Variants in ZNF33A observed in about 807,000 individuals in gnomAD.
ZNF33A encodes the protein brain my041 protein.
ZNF33A carries 9 observed loss-of-function variants against 15.9 expected under a neutral mutation model. The observed-to-expected ratio is 0.57, with a 90% CI of 0.34 to 0.99. The LOEUF is 0.99. ZNF33A is among the 50% of genes least tolerant of loss of function. The probability of loss-of-function intolerance (pLI) is 0.02; values close to 1 mark genes in which losing one functional copy is unlikely to be tolerated. For missense variants in ZNF33A, 843 were observed against 941.6 expected, an observed-to-expected ratio of 0.90 and a Z score of 1.37; for synonymous variants, 294 against 324.2, an observed-to-expected ratio of 0.91 and a Z score of 1.00.
intron 2 of ZNF33A, 73 bp downstream of exon 2, chr10:38,012,423 T>G: frequency 2.9e-6 from 4 of 1,356,838 alleles, no homozygotes; most frequent in African/African-American, 1.5e-5. Flanking sequence ...GATATGGTGT[T>G]TGTTTTTTTT....
At chr10:38,025,423 T>C (rs2064939430) in intron 4 of ZNF33A, among the ~76,000 whole-genome samples, 1 of 152,198 alleles carries the variant, frequency 6.6e-6, no homozygotes, top group Non-Finnish European at 1.5e-5. Context: ...TAATTAGGGT[T>C]AGATTAAGTC....
chr10:38,064,703 C>CA (rs2066692767), downstream of ZNF33A: 1 of 152,252 alleles, frequency 6.6e-6, no homozygotes, highest in African/African-American at 2.4e-5. Context: ...GTTTTTGTCT[C>CA]ACGCTCACTT....
At chr10:38,053,813 T>C (rs1297780983) in intron 4 of ZNF33A, among the ~76,000 whole-genome samples, 1 of 152,196 alleles carries the variant, frequency 6.6e-6, no homozygotes, top group Non-Finnish European at 1.5e-5. Context: ...AGTGAAACTT[T>C]CCCTTTCTGG....
At chr10:38,027,734 G>C (rs1295746941) in intron 4 of ZNF33A, among the ~76,000 whole-genome samples, 1 of 152,030 alleles carries the variant, frequency 6.6e-6, no homozygotes, top group Admixed American at 6.6e-5. Context: ...GATGCTGCTT[G>C]GTACACACAT....
At chr10:38,030,719 G>A (rs1479962556) in intron 4 of ZNF33A, among the ~76,000 whole-genome samples, 2 of 152,144 alleles carry the variant, frequency 1.3e-5, no homozygotes, top group African/African-American at 2.4e-5. Flanking sequence ...TGGGGTAAGC[G>A]CACACAAAAG....
rs1409247186 is a variant in ZNF33A, at chr10:38,054,977, T to C, written c.853T>C (p.Cys285Arg). Residue 285 changes from cysteine (C) to arginine (R), a missense_variant, in exon 5 of 5, where the codon TGT becomes CGT. Coordinates refer to ENST00000432900, the MANE Select transcript of ZNF33A (RefSeq NM_006954.2). ...YEFSDCEKFL[C>R]VKSTLSKPHG... ...ATTTAGTGATTGTGAGAAGTTCTTA[T>C]GTGTGAAGTCCACCCTTTCTAAACC... 5.0e-6 allele frequency: 8 copies of C among 1,614,018 alleles called. No individual in the cohort carries two copies. Among genetic ancestry groups the C allele is most frequent in the Admixed American group, 1.7e-5 (1 of 59,996 alleles).
intron 2 of ZNF33A, among the ~76,000 whole-genome samples, chr10:38,014,653 A>G (rs2064362355): frequency 6.6e-6 from 1 of 152,100 alleles, no homozygotes; most frequent in Non-Finnish European, 1.5e-5. Flanking sequence ...TTATGTGTAC[A>G]TATATGTCTG....
chr10:38,022,283 GA>G (rs1472120328), intron 4 of ZNF33A, among the ~76,000 whole-genome samples: 1 of 152,092 alleles, frequency 6.6e-6, no homozygotes, highest in Non-Finnish European at 1.5e-5. Flanking sequence ...TCAATATCTG[GA>G]ATGAAACAGG....
intron 4 of ZNF33A, among the ~76,000 whole-genome samples, chr10:38,027,062 C>G (rs1451547561): frequency 2.0e-5 from 3 of 152,198 alleles, no homozygotes; most frequent in Admixed American, 6.5e-5. Flanking sequence ...CTCTCACTTG[C>G]ATTCCATTTG....
intron 4 of ZNF33A, among the ~76,000 whole-genome samples, chr10:38,021,555 C>T (rs1422459639): frequency 2.0e-5 from 3 of 152,004 alleles, no homozygotes; most frequent in Admixed American, 1.3e-4. Flanking sequence ...GTAGGAGAAT[C>T]GCTTGAACTG....
At chr10:38,011,014 G>A (rs2064152001) in intron 1 of ZNF33A, among the ~76,000 whole-genome samples, 1 of 152,156 alleles carries the variant, frequency 6.6e-6, no homozygotes, top group South Asian at 2.1e-4. Context: ...TGTGGGGGCC[G>A]CGGAGGAGGG....
At chr10:38,065,346 A>C (rs1287165508), downstream of ZNF33A, among the ~76,000 whole-genome samples, 3 of 152,152 alleles carry the variant, frequency 2.0e-5, no homozygotes, top group Non-Finnish European at 4.4e-5. Flanking sequence ...CTGAGATTAC[A>C]GGCATGAGCC....
In ZNF33A at chr10:38,054,555, C is replaced by A; in HGVS notation, c.431C>A (p.Ser144Ter). The A allele has an allele frequency of 6.2e-7, 1 of 1,612,074 alleles. No individual in the cohort carries two copies. The highest frequency in any genetic ancestry group is 8.5e-7 in the Non-Finnish European group (1 of 1,179,346). ...AGAAAAATGTTCTGTCAGTGTGATT[C>A]ATGTGGAATGAGTTTCAACACTGTT... is the stretch of plus-strand genomic sequence containing the variant. ...PSRKMFCQCD[S>*]CGMSFNTVSE... Residue 144 changes from serine (S) to a stop codon, truncating the protein, a stop_gained, in exon 5 of 5, where the codon TCA becomes TAA. Transcript: ENST00000432900. LOFTEE classifies it low-confidence loss of function (END_TRUNC).
chr10:38,067,627 C>A (rs1564894167), downstream of ZNF33A, among the ~76,000 whole-genome samples: 1 of 152,082 alleles, frequency 6.6e-6, no homozygotes, highest in Non-Finnish European at 1.5e-5. Flanking sequence ...TGTGTTTGTA[C>A]TTTTTGGATA....
chr10:38,011,162 C>A (rs951993014), intron 1 of ZNF33A, among the ~76,000 whole-genome samples: 3 of 152,226 alleles, frequency 2.0e-5, no homozygotes, highest in African/African-American at 7.2e-5. Flanking sequence ...CCGGCAGACT[C>A]GGTTGCACGT....
rs143686909 is a variant in ZNF33A, at chr10:38,020,312, CA to C, written c.250+2927del. ...ATACAGGCATGCAATGTGTAATAAT[CA>C]CATTTACCCTAATGTGATTATTTAT... On this transcript the variant is annotated intron_variant, in intron 4 of 4. Transcript: ENST00000432900. 6.5e-3 allele frequency among the ~76,000 whole-genome samples: 988 copies of C among 152,130 alleles called. 12 individuals are homozygous for C. Among genetic ancestry groups the C allele is most frequent in the South Asian group, 0.054 (262 of 4,812 alleles).
intron 4 of ZNF33A, among the ~76,000 whole-genome samples, chr10:38,051,098 T>A (rs532674006): frequency 0.015 from 2,269 of 152,226 alleles, 56 homozygotes; most frequent in African/African-American, 0.051. Flanking sequence ...AATACAGCAA[T>A]ACACTGCATA....
rs375548803 is a variant in ZNF33A, at chr10:38,054,346, G to A, written c.251-29G>A. 21 of 1,499,700 alleles carry A rather than the reference G, an allele frequency of 1.4e-5. No individual in the cohort carries two copies. The African/African-American group carries it at 2.7e-4, about 19-fold the overall frequency. The allele number at this position is 1,499,700 out of a possible 1,614,324, so 92.9% of individuals were successfully genotyped here. On this transcript the variant is annotated intron_variant, in intron 4 of 4. Coordinates refer to ENST00000432900, the MANE Select transcript of ZNF33A (RefSeq NM_006954.2). ...CCCTAAGAAATGTTTTGGTATTTAT[G>A]TGGTAAGATTAATTTTGCTTGTTTC... is the stretch of plus-strand genomic sequence containing the variant.
chr10:38,019,517 A>G (rs545200640), intron 4 of ZNF33A, among the ~76,000 whole-genome samples: 15 of 152,338 alleles, frequency 9.8e-5, no homozygotes, highest in African/African-American at 3.4e-4. Flanking sequence ...GAAACAACAC[A>G]TTCCCTACAG....
Sources: gnomAD v4.1 joint callset for allele counts (sites outside exome capture counted in the v4.1 genomes callset) on GRCh38, gnomAD v4.1.1 for gene constraint, MANE v1.5 for transcripts, NCBI Gene and HGNC (gene_info 2026-07-23, HGNC 2026-07-21) for gene names.